WDR90: variants seen among roughly 807,000 people sequenced by gnomAD.
WDR90 encodes WD repeat domain 90, also known as WD repeat-containing protein 90.
In WDR90, 238 loss-of-function variants were observed where a neutral mutation model predicts 195.2. The ratio of observed to expected loss-of-function variants is 1.22; its 90% confidence interval spans 1.10 to 1.36. WDR90 has a LOEUF of 1.36. Among genes scored for constraint, WDR90 ranks in the 40% most tolerant of loss-of-function variants. The pLI is 0.00. For missense variants in WDR90, 2,734 were observed against 2,439.5 expected (o/e 1.12, Z -2.54); for synonymous variants, 1,265 against 1,052.4 (o/e 1.20, Z -3.91).
chr16:656,687 C>A (rs1445684908), intron 18 of WDR90, 45 bp from the exon 19 acceptor site: 2 of 1,589,946 alleles, frequency 1.3e-6, no homozygotes, highest in African/African-American at 2.7e-5. Flanking sequence ...GCCCCTGGGC[C>A]CTTGAGATCC....
chr16:649,718 C>T (rs1183209961), intron 1 of WDR90, 45 bp from the exon 2 acceptor site: 2 of 1,527,814 alleles, frequency 1.3e-6, no homozygotes, highest in Non-Finnish European at 1.8e-6. Flanking sequence ...GTGGCCCCGG[C>T]TCGCGTGGCC....
intron 19 of WDR90, 36 bp downstream of exon 19, chr16:656,907 C>T (rs748619554): frequency 6.2e-7 from 1 of 1,601,184 alleles, no homozygotes; most frequent in Non-Finnish European, 8.5e-7. Context: ...CCACGGAGAC[C>T]CCACGGTGGA....
At chr16:656,616 G>T (rs1318147303) in intron 18 of WDR90, 79 bp downstream of exon 18, 14 of 1,574,612 alleles carry the variant, frequency 8.9e-6, no homozygotes, top group African/African-American at 1.3e-5. Context: ...GGTGAGAGGG[G>T]CCTATAGGGA....
At chr16:650,923 G>A (rs1192037807) in intron 5 of WDR90, 72 bp from the exon 6 acceptor site, 2 of 1,564,336 alleles carry the variant, frequency 1.3e-6, no homozygotes, top group Non-Finnish European at 1.8e-6. Context: ...GCGTGGCAGT[G>A]CCTTGGCGGG....
In WDR90 at chr16:655,596, A is replaced by T; in HGVS notation, c.1742A>T (p.His581Leu). The part of the protein sequence containing the change: ...AMLFVCSRSG[H>L]ILEIDCQRMV... Reference sequence around the variant, plus strand: ...AGCTTCGTGTGCAGCCGCAGTGGCCACATCTTGGAGATTGACTGTCAGCGC... The same window carrying T: ...AGCTTCGTGTGCAGCCGCAGTGGCCTCATCTTGGAGATTGACTGTCAGCGC... Residue 581 changes from histidine (H) to leucine (L), a missense_variant, in exon 16 of 41, where the codon CAC (histidine) becomes CTC (leucine). His to Leu is a moderately conservative substitution (Grantham distance 99). Coordinates refer to ENST00000293879, the MANE Select transcript of WDR90 (RefSeq NM_145294.5). The T allele has an allele frequency of 6.2e-7, 1 of 1,603,880 alleles. No individual in the cohort carries two copies. The highest frequency in any genetic ancestry group is 8.5e-7 in the Non-Finnish European group (1 of 1,174,028).
At position 667,772 on chromosome 16, in the gene WDR90, C is replaced by A. The variant is rs958624845; in HGVS notation, c.*183C>A. On this transcript the variant is annotated 3_prime_UTR_variant, in exon 41 of 41. Coordinates refer to ENST00000293879, the MANE Select transcript of WDR90 (RefSeq NM_145294.5). ...TGTGAATACTTTCATACCTGTTGCC[C>A]TTTTGCCTAAGAAATCTTTAATGTT... is the stretch of plus-strand genomic sequence containing the variant. 1 of 804,636 alleles carries A rather than the reference C, an allele frequency of 1.2e-6. No homozygotes were observed. The highest frequency in any genetic ancestry group is 1.7e-5 in the African/African-American group (1 of 58,154). 49.8% of individuals were successfully genotyped at this position (804,636 alleles called of 1,614,324 possible). A position where few individuals can be genotyped will look rare whatever the true frequency, so the allele number is the denominator to read the frequency against.
Position 650,570 on chromosome 16 carries a change from C to T in WDR90, c.420C>T (p.Arg140=). ...TGGGTTTGGCCCCCTCCGGAGCCCG[C>T]TGGACCTGCCTGCAGCTCGATCTGC... ...DLVGLAPSGA[R]WTCLQLDLQD... Residue 140 remains arginine (R), a synonymous_variant, in exon 5 of 41, where the codon CGC becomes CGT. Transcript: ENST00000293879. 1 of 1,612,186 alleles carries T rather than the reference C, an allele frequency of 6.2e-7. No individual in the cohort carries two copies. The highest frequency in any genetic ancestry group is 8.5e-7 in the Non-Finnish European group (1 of 1,179,496).
chr16:661,894 C>T lies in WDR90; in HGVS notation c.3868C>T (p.Arg1290Cys), dbSNP rs746222259. 7.5e-6 allele frequency: 12 copies of T among 1,606,318 alleles called. No individual in the cohort carries two copies. The East Asian group carries it at 8.9e-5, about 12-fold the overall frequency. ...QRGADISLQV[R>C]REPVPEAVGA... ...GGCCACTCTCATACTTTGCCAGGTG[C>T]GTCGAGAGCCAGTCCCAGAGGCAGT... The change falls in exon 32 of 41, where the codon CGT becomes TGT. Residue 1290 changes from arginine to cysteine, a missense_variant. Coordinates refer to ENST00000293879, the MANE Select transcript of WDR90 (RefSeq NM_145294.5).
rs779409780 is a variant in WDR90 at position 652,022 on chromosome 16, C to G, written c.1036C>G (p.Arg346Gly). The change falls in exon 9 of 41, where the codon CGC becomes GGC. Residue 346 changes from arginine to glycine, a missense_variant. Physicochemically the swap from Arg to Gly is moderately radical, Grantham distance 125 (BLOSUM62 -2). Transcript: ENST00000293879. ...CGAGTCGGCTGAGGTGCCCGTGGCC[C>G]GCACCGGCTCCTGCGAAGTGAGTGC... ...THESAEVPVARTGSCEGFLPD... is the reference protein window; with the variant it reads ...THESAEVPVAGTGSCEGFLPD... The G allele has an allele frequency of 6.3e-6, 10 of 1,597,712 alleles. No homozygotes were observed. Among genetic ancestry groups the G allele is most frequent in the East Asian group, 4.5e-5 (2 of 44,136 alleles).
intron 28 of WDR90, 145 bp downstream of exon 28, chr16:660,859 G>C: frequency 1.0e-6 from 1 of 975,068 alleles, no homozygotes; most frequent in Non-Finnish European, 1.4e-6. Context: ...GCCTCCTGGC[G>C]CTCCAGCCGA....
At chr16:658,431 T>C (rs1596464555) in intron 22 of WDR90, 87 bp downstream of exon 22, 2 of 1,576,636 alleles carry the variant, frequency 1.3e-6, no homozygotes, top group East Asian at 2.3e-5. Flanking sequence ...TCCAGCTGGG[T>C]GGGGGGCCGT....
At chr16:659,940 G>T in intron 26 of WDR90, 118 bp from the exon 27 acceptor site, 1 of 772,670 alleles carries the variant, frequency 1.3e-6, no homozygotes, top group Non-Finnish European at 2.0e-6. Flanking sequence ...CCTGTGCCCC[G>T]CCGTGCAGTT....
At chr16:657,284 A>C (rs2037779771) in intron 20 of WDR90, 63 bp downstream of exon 20, 3 of 1,477,238 alleles carry the variant, frequency 2.0e-6, no homozygotes, top group Non-Finnish European at 2.7e-6. Context: ...GATCTGGTGC[A>C]GGCCCACACC....
chr16:660,808 G>A (rs73487454), intron 28 of WDR90, 94 bp downstream of exon 28: 217,914 of 1,352,714 alleles, frequency 0.16, 25,349 homozygotes, highest in African/African-American at 0.59. Context: ...GGTGGCAAAT[G>A]AGCGCCAGCC....
chr16:650,194 G>C, intron 3 of WDR90, 27 bp downstream of exon 3: 4 of 1,610,136 alleles, frequency 2.5e-6, no homozygotes, highest in Non-Finnish European at 3.4e-6. Flanking sequence ...TGGGGGCTGC[G>C]TGGGAGCCCC....
Position 658,522 on chromosome 16 carries a change from C to T in WDR90, c.2767-3C>T, listed in dbSNP as rs2037811135. ...GGCATTTCCCAAGAGCACTGTGTTC[C>T]AGCTGCCCGGTGTCCACCCTGAGCC... On this transcript the variant is annotated splice_polypyrimidine_tract_variant and splice_region_variant and intron_variant, in intron 22 of 40. Coordinates refer to ENST00000293879, the MANE Select transcript of WDR90 (RefSeq NM_145294.5). 3.7e-6 allele frequency: 6 copies of T among 1,606,262 alleles called. No homozygotes were observed. The highest frequency in any genetic ancestry group is 2.2e-5 in the South Asian group (2 of 90,722).
In WDR90 at chr16:649,865, G is replaced by C; in HGVS notation, c.102+11G>C. On this transcript the variant is annotated intron_variant, in intron 2 of 40. Coordinates refer to ENST00000293879, the MANE Select transcript of WDR90 (RefSeq NM_145294.5). ...GTGGCCGTGGTCACGGTAGGCGGCC[G>C]GGGGCTCGCCCGGAGCCCACACCCC... 6.3e-7 allele frequency: 1 copy of C among 1,575,794 alleles called. No individual in the cohort carries two copies.
At chr16:659,437 A>G in intron 26 of WDR90, 61 bp downstream of exon 26, 3 of 1,556,260 alleles carry the variant, frequency 1.9e-6, no homozygotes, top group Non-Finnish European at 2.6e-6. Context: ...GCACAGGCCC[A>G]GTGGCAGCAG....
intron 40 of WDR90, among the ~76,000 whole-genome samples, 167 bp downstream of exon 40, chr16:667,156 G>C (rs530036979): frequency 6.6e-6 from 1 of 152,326 alleles, no homozygotes; most frequent in South Asian, 2.1e-4. Flanking sequence ...GAGATGATGA[G>C]GCAGGTGAGG....
Sources: gnomAD v4.1 joint callset for allele counts (sites outside exome capture counted in the v4.1 genomes callset) on GRCh38, gnomAD v4.1.1 for gene constraint, MANE v1.5 for transcripts, NCBI Gene and HGNC (gene_info 2026-07-23, HGNC 2026-07-21) for gene names.